ADGRA3: variants seen among roughly 807,000 people sequenced by gnomAD.
The protein encoded by ADGRA3 is G-protein coupled receptor 125.
ADGRA3 carries 56 observed loss-of-function variants against 119.8 expected under a neutral mutation model. The ratio of observed to expected loss-of-function variants is 0.47; its 90% CI spans 0.38 to 0.58. The LOEUF (loss-of-function observed/expected upper bound fraction) is 0.58. Among genes scored for constraint, ADGRA3 ranks in the 20% least tolerant of loss-of-function variants. The pLI is 0.00. For synonymous variants in ADGRA3, 607 were observed against 623.8 expected, an observed-to-expected ratio of 0.97 and a Z score of 0.40; for missense variants, 1,516 against 1,649.0, an observed-to-expected ratio of 0.92 and a Z score of 1.40.
intron 14 of ADGRA3, among the ~76,000 whole-genome samples, chr4:22,403,246 AACTTC>A (rs1714747083): frequency 6.6e-6 from 1 of 152,126 alleles, no homozygotes; most frequent in South Asian, 2.1e-4. Flanking sequence ...AGCCAAGTTC[AACTTC>A]AAGTTCCTCA....
rs933786105 is a variant in ADGRA3, at chr4:22,515,890, C to T, written c.-106G>A. On this transcript the variant is annotated 5_prime_UTR_variant, in exon 1 of 19. Transcript: ENST00000334304. ...GGCGCGGGCCCAGCGGCGACCGGAG[C>T]CTTATGGCGGCCGGAGGACGGGCCT... The T allele has an allele frequency of 6.6e-6, 5 of 758,462 alleles. No homozygotes were observed. In the African/African-American group the frequency reaches 9.5e-5, roughly 14 times the overall value. The allele number at this position is 758,462 out of a possible 1,614,324, so 47.0% of individuals were successfully genotyped here. A position where few individuals can be genotyped will look rare whatever the true frequency, so the allele number is the denominator to read the frequency against.
intron 1 of ADGRA3, among the ~76,000 whole-genome samples, chr4:22,511,895 CT>C (rs5856700): frequency 0.01 from 1,038 of 102,582 alleles, 8 homozygotes; most frequent in African/African-American, 0.039. Flanking sequence ...TTCTTTCTTT[CT>C]TTTTTTTTTT....
chr4:22,501,647 C>T (rs1028590511), intron 1 of ADGRA3, among the ~76,000 whole-genome samples: 1 of 152,110 alleles, frequency 6.6e-6, no homozygotes, highest in Non-Finnish European at 1.5e-5. Flanking sequence ...CACCTACACT[C>T]CCCTCTGGAT....
chr4:22,480,473 A>G (rs978511487), intron 1 of ADGRA3, among the ~76,000 whole-genome samples: 3 of 152,116 alleles, frequency 2.0e-5, no homozygotes, highest in Non-Finnish European at 4.4e-5. Context: ...CAGAAGTTCA[A>G]TATCAGCGTG....
At position 22,485,558 on chromosome 4, in the gene ADGRA3, T is replaced by TTTC. The variant is rs1301946009; in HGVS notation, c.258-11718_258-11716dup. On this transcript the variant is annotated intron_variant, in intron 1 of 18. Transcript: ENST00000334304. ...GTTTGGTGGCCTCTCATTCTGTTGA[T>TTTC]TTCTTCTCAAATGTCTGATGATCCT... Among the ~76,000 whole-genome samples, 4 of 152,290 alleles carry TTTC rather than the reference T, an allele frequency of 2.6e-5. No homozygotes were observed. In the East Asian group the frequency reaches 7.7e-4, roughly 29 times the overall value.
chr4:22,508,896 T>G (rs900878123), intron 1 of ADGRA3, among the ~76,000 whole-genome samples: 3 of 152,190 alleles, frequency 2.0e-5, no homozygotes, highest in African/African-American at 7.2e-5. Flanking sequence ...ATTTTCCCCT[T>G]GCCCTGCCTA....
intron 14 of ADGRA3, among the ~76,000 whole-genome samples, chr4:22,411,679 A>G (rs1217212655): frequency 1.3e-5 from 2 of 152,208 alleles, no homozygotes; most frequent in Admixed American, 6.5e-5. Flanking sequence ...TGCTTACAGA[A>G]ATCAAGACAT....
intron 7 of ADGRA3, among the ~76,000 whole-genome samples, chr4:22,442,151 A>C (rs1345043669): frequency 1.3e-5 from 2 of 152,150 alleles, no homozygotes; most frequent in East Asian, 3.8e-4. Context: ...TTCTTAGTCT[A>C]TTATACTTTA....
chr4:22,428,110 T>C (rs1434992122), intron 10 of ADGRA3, among the ~76,000 whole-genome samples: 1 of 152,180 alleles, frequency 6.6e-6, no homozygotes, highest in Non-Finnish European at 1.5e-5. Context: ...TGTTATCATA[T>C]TAATATACAA....
chr4:22,486,801 T>C (rs972934233), intron 1 of ADGRA3, among the ~76,000 whole-genome samples: 3 of 152,230 alleles, frequency 2.0e-5, no homozygotes, highest in Non-Finnish European at 4.4e-5. Flanking sequence ...TTTGGCTTCA[T>C]GACTTTGGAC....
chr4:22,505,031 G>A (rs144614339), intron 1 of ADGRA3, among the ~76,000 whole-genome samples: 69 of 152,278 alleles, frequency 4.5e-4, no homozygotes, highest in African/African-American at 1.5e-3. Context: ...CTGATGCTGG[G>A]ACTTGGATGG....
chr4:22,401,596 C>A (rs188277657), intron 15 of ADGRA3, 42 bp from the exon 16 acceptor site: 8 of 1,475,134 alleles, frequency 5.4e-6, no homozygotes, highest in Non-Finnish European at 7.4e-6. Context: ...CAGGCTAGTA[C>A]ATAAGGAGAA....
chr4:22,465,420 CACTGGTTTGATA>C (rs1717618883), intron 2 of ADGRA3, among the ~76,000 whole-genome samples: 1 of 152,272 alleles, frequency 6.6e-6, no homozygotes, highest in East Asian at 1.9e-4. Flanking sequence ...TAGACATTCC[CACTGGTTTGATA>C]AGAGGTCAAG....
intron 1 of ADGRA3, among the ~76,000 whole-genome samples, chr4:22,504,558 ACT>A (rs1282302515): frequency 6.6e-6 from 1 of 151,908 alleles, no homozygotes; most frequent in Non-Finnish European, 1.5e-5. Flanking sequence ...TCAGCACGCC[ACT>A]CTCTGCTTTA....
At chr4:22,499,167 A>G (rs1367131847) in intron 1 of ADGRA3, among the ~76,000 whole-genome samples, 1 of 152,232 alleles carries the variant, frequency 6.6e-6, no homozygotes, top group Non-Finnish European at 1.5e-5. Context: ...ATGCAATATA[A>G]TGGTACAATC....
intron 10 of ADGRA3, among the ~76,000 whole-genome samples, chr4:22,429,498 C>G (rs908643879): frequency 1.1e-4 from 16 of 152,162 alleles, no homozygotes; most frequent in Admixed American, 9.8e-4. Flanking sequence ...CATGCCAACA[C>G]AGGGTACCAG....
Position 22,388,117 on chromosome 4 carries a change from G to C in ADGRA3, c.3554C>G (p.Thr1185Arg). 6.2e-7 allele frequency: 1 copy of C among 1,614,146 alleles called. No individual in the cohort carries two copies. The highest frequency in any genetic ancestry group is 8.5e-7 in the Non-Finnish European group (1 of 1,180,004). Residue 1185 changes from threonine to arginine, a missense_variant, in exon 19 of 19, where the codon ACA (threonine) becomes AGA (arginine). Transcript: ENST00000334304. Reference protein sequence around the residue: ...RSKGHRASRLTVLREYAYDVP... With the variant: ...RSKGHRASRLRVLREYAYDVP... ...ATCGTAGGCATATTCTCTCAGGACT[G>C]TGAGTCGGCTTGCCCGGTGTCCTTT... is the stretch of plus-strand genomic sequence containing the variant.
rs374035964 is a variant in ADGRA3, at chr4:22,413,756, T to C, written c.1868A>G (p.Lys623Arg). The change falls in exon 13 of 19, where the codon AAA becomes AGA. Residue 623 changes from lysine to arginine, a missense_variant. Lys to Arg is a conservative substitution (Grantham distance 26). This residue lies in a region of ADGRA3 where 1,088 missense variants were observed against 1,107.1 expected (regional missense o/e 0.98). Coordinates refer to ENST00000334304, the MANE Select transcript of ADGRA3 (RefSeq NM_145290.4). ...LPPSLFSPKQ[K>R]RELRPTDDSL... Reference sequence around the variant, plus strand: ...GTCATCAGTTGGTCTGAGTTCTCTTTTTTGCTTTGGTGAGAAAAGGGAAGG... The same window carrying C: ...GTCATCAGTTGGTCTGAGTTCTCTTCTTTGCTTTGGTGAGAAAAGGGAAGG... 138 of 1,613,834 alleles carry C rather than the reference T, an allele frequency of 8.6e-5. No individual in the cohort carries two copies. Among genetic ancestry groups the C allele is most frequent in the Non-Finnish European group, 1.1e-4 (135 of 1,179,936 alleles).
rs1205959654 is a variant in ADGRA3 at position 22,515,843 on chromosome 4, G to C, written c.-59C>G. 1.0e-6 allele frequency: 1 copy of C among 979,880 alleles called. No individual in the cohort carries two copies. The highest frequency in any genetic ancestry group is 1.2e-6 in the Non-Finnish European group (1 of 826,812). 60.7% of individuals were successfully genotyped at this position (979,880 alleles called of 1,614,324 possible). Reference sequence around the variant, plus strand: ...CGCACTGGCCTAGCGGGCCGCCCCGGAGCCCGGGCGGGCAGGAGCGCGGCG... The same window carrying C: ...CGCACTGGCCTAGCGGGCCGCCCCGCAGCCCGGGCGGGCAGGAGCGCGGCG... On this transcript the variant is annotated 5_prime_UTR_variant, in exon 1 of 19. Coordinates refer to ENST00000334304, the MANE Select transcript of ADGRA3 (RefSeq NM_145290.4).
Sources: gnomAD v4.1 joint callset for allele counts (sites outside exome capture counted in the v4.1 genomes callset) on GRCh38, gnomAD v4.1.1 for gene constraint, gnomAD v4.1.1 regional missense constraint, MANE v1.5 for transcripts, NCBI Gene and HGNC (gene_info 2026-07-23, HGNC 2026-07-21) for gene names.